The following DLG2 variants were observed in gnomAD, a reference collection of about 807,000 sequenced individuals.
DLG2 encodes the protein disks large homolog 2.
A neutral mutation model predicts 132.5 loss-of-function variants in DLG2; 45 were observed. The observed-to-expected ratio is 0.34, with a 90% CI of 0.27 to 0.44. The LOEUF (loss-of-function observed/expected upper bound fraction) is 0.44. DLG2 is among the 20% of genes least tolerant of loss of function. The probability of loss-of-function intolerance (pLI) is 1.00; values close to 1 mark genes in which losing one functional copy is unlikely to be tolerated. For missense variants in DLG2, 1,045 were observed against 1,196.9 expected (o/e 0.87, Z 1.87); for synonymous variants, 424 against 419.6 (o/e 1.01, Z -0.13).
intron 6 of DLG2, among the ~76,000 whole-genome samples, chr11:85,057,108 A>G (rs928104689): frequency 6.6e-6 from 1 of 151,792 alleles, no homozygotes; most frequent in Non-Finnish European, 1.5e-5. Flanking sequence ...CTTGTAATAC[A>G]TATATTTTTA....
At chr11:85,388,965 C>A (rs1208970205) in intron 3 of DLG2, among the ~76,000 whole-genome samples, 1 of 152,078 alleles carries the variant, frequency 6.6e-6, no homozygotes, top group Non-Finnish European at 1.5e-5. Context: ...CAAAAGATCA[C>A]AATAGCTCAT....
chr11:84,870,857 T>A (rs2154041593), intron 6 of DLG2, among the ~76,000 whole-genome samples: 2 of 152,302 alleles, frequency 1.3e-5, no homozygotes, highest in Admixed American at 1.3e-4. Context: ...TTATTACAGT[T>A]TTTGGACCTG....
chr11:84,384,640 G>C (rs1161266396), intron 7 of DLG2, among the ~76,000 whole-genome samples: 1 of 151,880 alleles, frequency 6.6e-6, no homozygotes, highest in African/African-American at 2.4e-5. Context: ...ATGAATTATA[G>C]CCAATGACAT....
At chr11:84,570,186 T>C (rs1422040570) in intron 6 of DLG2, among the ~76,000 whole-genome samples, 1 of 152,170 alleles carries the variant, frequency 6.6e-6, no homozygotes, top group African/African-American at 2.4e-5. Context: ...TCTAAATATA[T>C]TCAGTTACTC....
chr11:84,693,638 G>A (rs181347748), intron 6 of DLG2, among the ~76,000 whole-genome samples: 13 of 151,714 alleles, frequency 8.6e-5, no homozygotes, highest in East Asian at 1.9e-4. Context: ...TGTTTTATAC[G>A]CCTACAGGAT....
At chr11:84,643,229 T>C (rs2099670299) in intron 6 of DLG2, among the ~76,000 whole-genome samples, 1 of 152,298 alleles carries the variant, frequency 6.6e-6, no homozygotes, top group East Asian at 1.9e-4. Context: ...AATCAGTCTG[T>C]CCAGGAAGGC....
intron 18 of DLG2, among the ~76,000 whole-genome samples, chr11:83,712,976 G>GA (rs902168475): frequency 2.1e-5 from 3 of 144,018 alleles, no homozygotes; most frequent in East Asian, 2.0e-4. Flanking sequence ...AATAAAAGTT[G>GA]AAAAAAAAAG....
chr11:83,811,345 C>T (rs1247784140), intron 17 of DLG2, among the ~76,000 whole-genome samples: 1 of 152,076 alleles, frequency 6.6e-6, no homozygotes, highest in Non-Finnish European at 1.5e-5. Context: ...TAATCTATGG[C>T]TGTAACCTCT....
chr11:85,441,417 T>C (rs2091770074), intron 3 of DLG2, among the ~76,000 whole-genome samples: 1 of 152,212 alleles, frequency 6.6e-6, no homozygotes, highest in South Asian at 2.1e-4. Context: ...TATGTGCTTC[T>C]TAAATCTCTC....
intron 6 of DLG2, among the ~76,000 whole-genome samples, chr11:84,673,692 T>G (rs944502880): frequency 1.3e-5 from 2 of 151,766 alleles, no homozygotes; most frequent in Admixed American, 1.3e-4. Flanking sequence ...ATGGAAGAAT[T>G]AGAAGAAAAT....
chr11:85,241,292 G>A (rs1158385199), intron 4 of DLG2, among the ~76,000 whole-genome samples: 1 of 151,716 alleles, frequency 6.6e-6, no homozygotes, highest in African/African-American at 2.4e-5. Flanking sequence ...TGTTTATAGG[G>A]TATGGGAGGG....
chr11:83,751,879 C>G (rs1227445528), intron 18 of DLG2, among the ~76,000 whole-genome samples: 1 of 152,172 alleles, frequency 6.6e-6, no homozygotes. Context: ...GTTCCAGTGT[C>G]CAGATTTCAG....
intron 19 of DLG2, among the ~76,000 whole-genome samples, chr11:83,623,854 A>G (rs554181612): frequency 6.6e-6 from 1 of 152,246 alleles, no homozygotes; most frequent in East Asian, 1.9e-4. Context: ...CAATTTTTTC[A>G]TGCCCTCCCC....
chr11:85,288,015 C>A (rs1330579019), intron 3 of DLG2, among the ~76,000 whole-genome samples: 1 of 151,966 alleles, frequency 6.6e-6, no homozygotes, highest in African/African-American at 2.4e-5. Flanking sequence ...CTTCAGTAGA[C>A]AGGGTGGGCA....
chr11:85,428,042 A>G (rs1374360277), intron 3 of DLG2, among the ~76,000 whole-genome samples: 3 of 152,218 alleles, frequency 2.0e-5, no homozygotes, highest in African/African-American at 7.2e-5. Flanking sequence ...GCCATTACAT[A>G]ATGGTAAAGG....
intron 5 of DLG2, 109 bp from the exon 6 acceptor site, chr11:85,111,844 T>G: frequency 3.8e-6 from 3 of 781,070 alleles, no homozygotes; most frequent in South Asian, 2.6e-5. Flanking sequence ...TTTATAATCA[T>G]AGAGAGAGAA....
At chr11:85,284,624 T>A (rs894727611) in intron 4 of DLG2, among the ~76,000 whole-genome samples, 4 of 151,988 alleles carry the variant, frequency 2.6e-5, no homozygotes, top group African/African-American at 9.7e-5. Context: ...TGTTGATTTT[T>A]AACAGTAGTG....
chr11:84,246,307 G>C (rs2097301450), intron 8 of DLG2, among the ~76,000 whole-genome samples: 1 of 152,206 alleles, frequency 6.6e-6, no homozygotes, highest in African/African-American at 2.4e-5. Flanking sequence ...TCCAGGATGT[G>C]AGTTATTTCT....
intron 3 of DLG2, among the ~76,000 whole-genome samples, chr11:85,341,292 T>C (rs2082482578): frequency 6.6e-6 from 1 of 152,126 alleles, no homozygotes; most frequent in Admixed American, 6.5e-5. Flanking sequence ...CTAATTTTTT[T>C]TGTATTTTTA....
Sources: gnomAD v4.1 joint callset for allele counts (sites outside exome capture counted in the v4.1 genomes callset) on GRCh38, gnomAD v4.1.1 for gene constraint, MANE v1.5 for transcripts, NCBI Gene and HGNC (gene_info 2026-07-23, HGNC 2026-07-21) for gene names.